The following FAAH2 variants were observed in gnomAD, a reference collection of about 807,000 sequenced individuals.
FAAH2 encodes fatty acid amide hydrolase 2.
Under a neutral mutation model 36.9 loss-of-function variants are expected in FAAH2, and 60 were observed. That is an observed-to-expected ratio of 1.63 (90% CI 1.32 to 2.02). The LOEUF (loss-of-function observed/expected upper bound fraction) is 2.02. FAAH2 is among the 30% of genes most tolerant of loss of function. The pLI is 0.00. For synonymous variants in FAAH2, 214 were observed against 143.8 expected (o/e 1.49, Z -3.49); for missense variants, 689 against 397.5 (o/e 1.73, Z -6.23).
the FAAH2 span, among the ~76,000 whole-genome samples, chrX:57,274,854 G>A: frequency 6.6e-4 from 74 of 111,951 alleles, no homozygotes; most frequent in Non-Finnish European, 1.3e-3. Flanking sequence ...ACAAGACAAG[G>A]ATGCCTCTCT....
chrX:57,472,689 AT>A (rs1161822852), intron 10 of FAAH2, among the ~76,000 whole-genome samples: 31 of 104,018 alleles, frequency 3.0e-4, no homozygotes, highest in Admixed American at 4.1e-4. Flanking sequence ...TACTGACTAG[AT>A]TTTTTTTTTT....
intron 8 of FAAH2, among the ~76,000 whole-genome samples, chrX:57,438,037 A>G (rs2056452141): frequency 1.9e-5 from 2 of 104,275 alleles, no homozygotes; most frequent in South Asian, 3.9e-4. Context: ...ATACATATGT[A>G]TATATATACA....
intron 10 of FAAH2, among the ~76,000 whole-genome samples, chrX:57,466,156 C>CTCTATATATATATATA (rs1287266105): frequency 1.1e-3 from 75 of 66,376 alleles, no homozygotes; most frequent in African/African-American, 2.3e-3. Flanking sequence ...CTCTCTCTCT[C>CTCTATATATATATATA]TATATATATA....
At chrX:57,178,079 C>A in the FAAH2 span, among the ~76,000 whole-genome samples, 1 of 111,562 alleles carries the variant, frequency 9.0e-6, no homozygotes, top group African/African-American at 3.3e-5. Flanking sequence ...ACAAGGAATC[C>A]AGTAATGTGA....
chrX:57,415,340 C>G (rs951434612), intron 7 of FAAH2, among the ~76,000 whole-genome samples: 2 of 111,604 alleles, frequency 1.8e-5, no homozygotes, highest in East Asian at 2.8e-4. Flanking sequence ...TAGATCTTTC[C>G]TGCTTTCTCC....
intron 4 of FAAH2, among the ~76,000 whole-genome samples, chrX:57,334,298 A>ACACACACACAC (rs1569269177): frequency 2.7e-5 from 3 of 109,851 alleles, no homozygotes; most frequent in African/African-American, 3.3e-5. Flanking sequence ...ACACACACAC[A>ACACACACACAC]AAGATGGGAG....
rs1354153364 is a variant in FAAH2 at position 57,446,900 on chromosome X, G to A, written c.1117-28G>A. On this transcript the variant is annotated intron_variant, in intron 8 of 10. Coordinates refer to ENST00000374900, the MANE Select transcript of FAAH2 (RefSeq NM_174912.4). ...TTTACTATTTTGAGAAAATACTCTTGTATTTTATTTCTTTCCTTCAATCTC... is the reference window on the plus strand; with the variant it reads ...TTTACTATTTTGAGAAAATACTCTTATATTTTATTTCTTTCCTTCAATCTC... The A allele has an allele frequency of 6.3e-6, 7 of 1,117,233 alleles. No homozygotes were observed. The East Asian group carries it at 1.2e-4, about 19-fold the overall frequency. 92.1% of individuals were successfully genotyped at this position (1,117,233 alleles called of 1,213,427 possible). A position where few individuals can be genotyped will look rare whatever the true frequency, so the allele number is the denominator to read the frequency against.
chrX:57,463,554 G>A (rs918230592), intron 10 of FAAH2, among the ~76,000 whole-genome samples: 1 of 111,106 alleles, frequency 9.0e-6, no homozygotes, highest in African/African-American at 3.3e-5. Context: ...AACAAGCAAT[G>A]AGGAAATAAT....
At chrX:57,128,339 A>G in the FAAH2 span, among the ~76,000 whole-genome samples, 1 of 111,935 alleles carries the variant, frequency 8.9e-6, no homozygotes, top group South Asian at 3.7e-4. Flanking sequence ...CCAAGAAGTT[A>G]TTGAATCAAA....
chrX:57,371,458 C>T (rs1207878314), intron 5 of FAAH2, among the ~76,000 whole-genome samples: 1 of 111,655 alleles, frequency 9.0e-6, no homozygotes, highest in Non-Finnish European at 1.9e-5. Context: ...CTCTGTGATA[C>T]CACATTTTCT....
chrX:57,440,771 G>T (rs748057342), intron 8 of FAAH2, among the ~76,000 whole-genome samples: 12 of 111,417 alleles, frequency 1.1e-4, no homozygotes, highest in Non-Finnish European at 1.9e-4. Context: ...TTTGAGACAC[G>T]TGCCATCAAT....
At chrX:57,451,815 C>T (rs1460920931) in intron 10 of FAAH2, among the ~76,000 whole-genome samples, 1 of 112,166 alleles carries the variant, frequency 8.9e-6, no homozygotes, top group Non-Finnish European at 1.9e-5. Flanking sequence ...TTTGTCTTGG[C>T]ACCCTGCCCC....
chrX:57,383,864 A>T (rs1180749456), intron 7 of FAAH2, among the ~76,000 whole-genome samples: 1 of 111,993 alleles, frequency 8.9e-6, no homozygotes, highest in African/African-American at 3.2e-5. Flanking sequence ...CCACATTGCC[A>T]AGTCAATCCT....
the FAAH2 span, among the ~76,000 whole-genome samples, chrX:57,215,581 G>T: frequency 5.4e-5 from 6 of 110,863 alleles, no homozygotes; most frequent in African/African-American, 1.3e-4. Context: ...CCCATCAATG[G>T]TAGACTGCTT....
At chrX:57,230,465 T>C in the FAAH2 span, among the ~76,000 whole-genome samples, 1 of 112,082 alleles carries the variant, frequency 8.9e-6, no homozygotes, top group African/African-American at 3.2e-5. Context: ...AGTCTTTATC[T>C]CTTCAAATAT....
the FAAH2 span, among the ~76,000 whole-genome samples, chrX:57,252,882 C>T: frequency 2.7e-5 from 3 of 112,563 alleles, no homozygotes; most frequent in African/African-American, 9.7e-5. Flanking sequence ...AACTCCTTGC[C>T]AGCAAGGGCA....
At chrX:57,199,498 C>T in the FAAH2 span, among the ~76,000 whole-genome samples, 3 of 111,656 alleles carry the variant, frequency 2.7e-5, no homozygotes, top group Admixed American at 2.9e-4. Flanking sequence ...TGTGACCTAA[C>T]ATACTGTCTA....
chrX:57,373,319 T>C (rs1028815187), intron 5 of FAAH2, among the ~76,000 whole-genome samples: 1 of 111,331 alleles, frequency 9.0e-6, no homozygotes, highest in East Asian at 2.8e-4. Context: ...TTTTCCATAG[T>C]GGCTGTACTA....
At chrX:57,276,450 A>G in the FAAH2 span, among the ~76,000 whole-genome samples, 3 of 111,961 alleles carry the variant, frequency 2.7e-5, no homozygotes, top group African/African-American at 9.7e-5. Context: ...TTATAGCACT[A>G]AATGCCCACA....
Sources: allele counts gnomAD v4.1 joint callset (sites outside exome capture counted in the v4.1 genomes callset), GRCh38; gene constraint gnomAD v4.1.1; transcripts MANE v1.5; gene names NCBI Gene and HGNC (gene_info 2026-07-23, HGNC 2026-07-21).